Variants in EPHB3 observed in about 807,000 individuals in gnomAD.
EPHB3 encodes EPH receptor B3.
In EPHB3, 33 loss-of-function variants were observed where a neutral mutation model predicts 100.2. The ratio of observed to expected loss-of-function variants is 0.33; its 90% CI spans 0.25 to 0.44. EPHB3 has a LOEUF of 0.44. Among genes scored for constraint, EPHB3 ranks in the 20% least tolerant of loss-of-function variants. EPHB3 has a pLI of 1.00. For missense variants in EPHB3, 1,045 were observed against 1,378.3 expected (o/e 0.76, Z 3.83); for synonymous variants, 526 against 554.7 (o/e 0.95, Z 0.73).
At chr3:184,567,295 C>A (rs1166482196) in intron 1 of EPHB3, among the ~76,000 whole-genome samples, 1 of 152,238 alleles carries the variant, frequency 6.6e-6, no homozygotes, top group Non-Finnish European at 1.5e-5. Context: ...GGGGCTGTTT[C>A]CCTACACCTC....
chr3:184,576,101 T>C, intron 4 of EPHB3, 116 bp downstream of exon 4: 2 of 1,388,362 alleles, frequency 1.4e-6, no homozygotes, highest in Non-Finnish European at 1.9e-6. Context: ...GAGCTGAGGC[T>C]CAGGGAAGTT....
intron 1 of EPHB3, among the ~76,000 whole-genome samples, chr3:184,564,644 A>C (rs1387164284): frequency 6.6e-6 from 1 of 152,144 alleles, no homozygotes; most frequent in East Asian, 1.9e-4. Context: ...AGAGGGAGGA[A>C]AGATGAAAGG....
intron 1 of EPHB3, among the ~76,000 whole-genome samples, chr3:184,566,741 G>A (rs754602749): frequency 2.0e-5 from 3 of 152,198 alleles, no homozygotes; most frequent in Non-Finnish European, 2.9e-5. Context: ...CACACTCTGC[G>A]GGCCCAGCCC....
rs959074145 is a variant in EPHB3, at chr3:184,565,500, C to T, written c.118+3147C>T. The stretch of plus-strand genomic sequence containing the variant: ...GAGAAAAGAGAAACAGTTACCAGAT[C>T]GCAGGAGGTGGGGCCAGCACGTCCC... On this transcript the variant is annotated intron_variant, in intron 1 of 15. Transcript: ENST00000330394. This position sits in a 1 kb window ranked among gnomAD's most constrained non-coding sequence, Gnocchi z 4.8. Among the ~76,000 whole-genome samples, 5 of 152,136 alleles carry T rather than the reference C, an allele frequency of 3.3e-5. No homozygotes were observed. Among genetic ancestry groups the T allele is most frequent in the African/African-American group, 7.2e-5 (3 of 41,420 alleles).
Position 184,581,683 on chromosome 3 carries a change from T to C in EPHB3, c.*61T>C. The stretch of plus-strand genomic sequence containing the variant: ...GGATGCCAAGCAGCCGGCTGGACTT[T>C]CGGACTCTTGGACTTTTGGATGCCT... On this transcript the variant is annotated 3_prime_UTR_variant, in exon 16 of 16. Coordinates refer to ENST00000330394, the MANE Select transcript of EPHB3 (RefSeq NM_004443.4). The C allele has an allele frequency of 6.9e-7, 1 of 1,458,118 alleles. No individual in the cohort carries two copies. Among genetic ancestry groups the C allele is most frequent in the Non-Finnish European group, 9.1e-7 (1 of 1,093,914 alleles). 90.3% of individuals were successfully genotyped at this position (1,458,118 alleles called of 1,614,324 possible). A position where few individuals can be genotyped will look rare whatever the true frequency, so the allele number is the denominator to read the frequency against.
intron 1 of EPHB3, among the ~76,000 whole-genome samples, chr3:184,564,665 G>T (rs2108433647): frequency 6.6e-6 from 1 of 152,310 alleles, no homozygotes; most frequent in Non-Finnish European, 1.5e-5. Flanking sequence ...GAAGGTTGGT[G>T]CAGGGGGCTG....
At position 184,578,034 on chromosome 3, in the gene EPHB3, G is replaced by A; in HGVS notation, c.1748+28G>A. On this transcript the variant is annotated intron_variant, in intron 8 of 15. Transcript: ENST00000330394. The surrounding 1 kb of genome is among the most constrained non-coding windows in gnomAD (Gnocchi z 4.7). ...ACTCCCAGGCCCACTGTTGCTCCAT[G>A]GGCCGCCTCGAACTGCCCTTTAGCA... is the stretch of plus-strand genomic sequence containing the variant. The A allele has an allele frequency of 1.2e-6, 2 of 1,611,710 alleles. No individual in the cohort carries two copies. The highest frequency in any genetic ancestry group is 1.7e-6 in the Non-Finnish European group (2 of 1,178,662).
chr3:184,565,254 G>A lies in EPHB3; in HGVS notation c.118+2901G>A, dbSNP rs536714407. On this transcript the variant is annotated intron_variant, in intron 1 of 15. Coordinates refer to ENST00000330394, the MANE Select transcript of EPHB3 (RefSeq NM_004443.4). This position sits in a 1 kb window ranked among gnomAD's most constrained non-coding sequence, Gnocchi z 4.8. ...CCCTGGGCTTTACGCACAGCCACAG[G>A]GAAACAGGGCCACCTTGTCACCCAC... 1.3e-5 allele frequency among the ~76,000 whole-genome samples: 2 copies of A among 152,186 alleles called. No individual in the cohort carries two copies. The highest frequency in any genetic ancestry group is 2.1e-4 in the South Asian group (1 of 4,816).
In EPHB3 at chr3:184,579,141, G is replaced by C. The variant is rs1256909361; in HGVS notation, c.1802-336G>C. On this transcript the variant is annotated intron_variant, in intron 9 of 15. Transcript: ENST00000330394. The surrounding 1 kb of genome is among the most constrained non-coding windows in gnomAD (Gnocchi z 5.2). ...AGACAGCGGTATGCAGGATAGCTCG[G>C]TGGGAAAAGTCCAGAGGCAGAGAGC... Among the ~76,000 whole-genome samples, 2 of 152,186 alleles carry C rather than the reference G, an allele frequency of 1.3e-5. No homozygotes were observed. Among genetic ancestry groups the C allele is most frequent in the Admixed American group, 1.3e-4 (2 of 15,268 alleles).
Position 184,573,700 on chromosome 3 carries a change from G to A in EPHB3, c.856+524G>A, listed in dbSNP as rs1714598859. On this transcript the variant is annotated intron_variant, in intron 3 of 15. Transcript: ENST00000330394. The surrounding 1 kb of genome is among the most constrained non-coding windows in gnomAD (Gnocchi z 4.5). ...TGACTCTGTCACTTACCACTTACGT[G>A]ACCTTGGGCAAGTTACTTTTTTTTT... Among the ~76,000 whole-genome samples, 1 of 150,492 alleles carries A rather than the reference G, an allele frequency of 6.6e-6. No homozygotes were observed. Among genetic ancestry groups the A allele is most frequent in the Non-Finnish European group, 1.5e-5 (1 of 67,788 alleles).
intron 3 of EPHB3, among the ~76,000 whole-genome samples, chr3:184,574,899 A>T (rs1714635602): frequency 6.6e-6 from 1 of 152,206 alleles, no homozygotes; most frequent in South Asian, 2.1e-4. Context: ...GTGAGGGCAG[A>T]TGAAACCCCA....
rs534213400 is a variant in EPHB3, at chr3:184,581,964, C to T, written c.*342C>T. 1.4e-5 allele frequency: 3 copies of T among 214,248 alleles called. No homozygotes were observed. In the South Asian group the frequency reaches 3.9e-4, roughly 28 times the overall value. The allele number at this position is 214,248 out of a possible 1,614,324, so 13.3% of individuals were successfully genotyped here. On this transcript the variant is annotated 3_prime_UTR_variant, in exon 16 of 16. Coordinates refer to ENST00000330394, the MANE Select transcript of EPHB3 (RefSeq NM_004443.4). ...CTGGCAGGGTCAGGCTGGGGTAAGC[C>T]GGGGTTCCACAGGGCCCAGCCCTGG...
rs1714593232 is a variant in EPHB3 at position 184,573,464 on chromosome 3, C to T, written c.856+288C>T. Among the ~76,000 whole-genome samples, 1 of 152,332 alleles carries T rather than the reference C, an allele frequency of 6.6e-6. No individual in the cohort carries two copies. Among genetic ancestry groups the T allele is most frequent in the Admixed American group, 6.5e-5 (1 of 15,302 alleles). On this transcript the variant is annotated intron_variant, in intron 3 of 15. Transcript: ENST00000330394. This position sits in a 1 kb window ranked among gnomAD's most constrained non-coding sequence, Gnocchi z 4.5. The stretch of plus-strand genomic sequence containing the variant: ...TTGGCAAGCAGGCACCTGGAGAACG[C>T]AGTCAGAAGCTTAGGAGGCTGGCAG...
At position 184,579,136 on chromosome 3, in the gene EPHB3, G is replaced by T. The variant is rs534998400; in HGVS notation, c.1802-341G>T. Among the ~76,000 whole-genome samples the T allele has an allele frequency of 6.6e-6, 1 of 152,288 alleles. No homozygotes were observed. Among genetic ancestry groups the T allele is most frequent in the Non-Finnish European group, 1.5e-5 (1 of 68,020 alleles). Reference sequence around the variant, plus strand: ...TAGGAAGACAGCGGTATGCAGGATAGCTCGGTGGGAAAAGTCCAGAGGCAG... The same window carrying T: ...TAGGAAGACAGCGGTATGCAGGATATCTCGGTGGGAAAAGTCCAGAGGCAG... On this transcript the variant is annotated intron_variant, in intron 9 of 15. Coordinates refer to ENST00000330394, the MANE Select transcript of EPHB3 (RefSeq NM_004443.4). The surrounding 1 kb of genome is among the most constrained non-coding windows in gnomAD (Gnocchi z 5.2).
chr3:184,576,239 T>C (rs113394872), intron 4 of EPHB3, among the ~76,000 whole-genome samples: 2 of 151,610 alleles, frequency 1.3e-5, no homozygotes, highest in Admixed American at 6.6e-5. Context: ...CTCAGGAACT[T>C]GCTCCTAGCC....
rs146519815 is a variant in EPHB3 at position 184,580,592 on chromosome 3, C to G, written c.2363C>G (p.Ser788Cys). 100 of 1,614,180 alleles carry G rather than the reference C, an allele frequency of 6.2e-5. 1 individual carries two copies. In the Admixed American group the frequency reaches 1.5e-3, roughly 24 times the overall value. Residue 788 changes from serine (S) to cysteine (C), a missense_variant, in exon 12 of 16, where the codon TCC becomes TGC. This residue lies in a region of EPHB3 where 985 missense variants were observed against 1,331.1 expected (regional missense o/e 0.74). Transcript: ENST00000330394. ...GLSRFLEDDP[S>C]DPTYTSSLGG... ...TCCCGCTTCCTGGAGGATGACCCCT[C>G]CGATCCTACCTACACCAGTTCCCTG...
rs752766874 is a variant in EPHB3 at position 184,581,014 on chromosome 3, A to C, written c.2581A>C (p.Met861Leu). Residue 861 changes from methionine to leucine, a missense_variant, in exon 14 of 16, where the codon ATG becomes CTG. Transcript: ENST00000330394. ...GCAGGATTACCGGCTGCCACCACCC[A>C]TGGACTGTCCCACAGCACTGCACCA... is the stretch of plus-strand genomic sequence containing the variant. ...VEQDYRLPPP[M>L]DCPTALHQLM... 1.2e-6 allele frequency: 2 copies of C among 1,614,068 alleles called. No individual in the cohort carries two copies. Among genetic ancestry groups the C allele is most frequent in the Non-Finnish European group, 1.7e-6 (2 of 1,179,998 alleles).
Position 184,577,968 on chromosome 3 carries a change from C to T in EPHB3, c.1710C>T (p.Phe570=), listed in dbSNP as rs559050553. 1.7e-5 allele frequency: 27 copies of T among 1,614,024 alleles called. No individual in the cohort carries two copies. Among genetic ancestry groups the T allele is most frequent in the Middle Eastern group, 1.7e-4 (1 of 6,058 alleles). Residue 570 remains phenylalanine (F), a synonymous_variant, in exon 8 of 16, where the codon TTC becomes TTT. Coordinates refer to ENST00000330394, the MANE Select transcript of EPHB3 (RefSeq NM_004443.4). This position sits in a 1 kb window ranked among gnomAD's most constrained non-coding sequence, Gnocchi z 4.9. ...IVGSATAGLV[F]VVAVVVIAIV... The stretch of plus-strand genomic sequence containing the variant: ...GCTCCGCTACAGCTGGGCTTGTCTT[C>T]GTGGTGGCTGTCGTGGTCATCGCTA...
In EPHB3 at chr3:184,575,817, TTC is replaced by T. The variant is rs1714660114; in HGVS notation, c.857-8_857-7del. On this transcript the variant is annotated splice_polypyrimidine_tract_variant and intron_variant, in intron 3 of 15. Coordinates refer to ENST00000330394, the MANE Select transcript of EPHB3 (RefSeq NM_004443.4). ...AGGGAGGTGAGCCCCATTCATCCTC[TTC>T]TCTCCCACAGCCTGTCCCCCTGGGA... 6.3e-7 allele frequency: 1 copy of T among 1,583,538 alleles called. No homozygotes were observed. Among genetic ancestry groups the T allele is most frequent in the African/African-American group, 1.3e-5 (1 of 74,280 alleles).
Sources: gnomAD v4.1 joint callset for allele counts (sites outside exome capture counted in the v4.1 genomes callset) on GRCh38, gnomAD v4.1.1 for gene constraint, gnomAD v4.1.1 regional missense constraint, Gnocchi (gnomAD v3.1) non-coding constraint, MANE v1.5 for transcripts, NCBI Gene and HGNC (gene_info 2026-07-23, HGNC 2026-07-21) for gene names.